PKD2: variants seen among roughly 807,000 people sequenced by gnomAD.
PKD2 encodes the protein polycystin 2, transient receptor potential cation channel.
PKD2 carries 48 observed loss-of-function variants against 105.9 expected under a neutral mutation model. The observed-to-expected ratio is 0.45, with a 90% CI of 0.36 to 0.58. The LOEUF is 0.58. PKD2 is among the 20% of genes least tolerant of loss of function. The pLI is 0.00. For missense variants in PKD2, 1,078 were observed against 1,255.3 expected (o/e 0.86, Z 2.13); for synonymous variants, 464 against 481.1 (o/e 0.96, Z 0.46).
At chr4:88,074,123 A>G (rs1457473045) in intron 13 of PKD2, among the ~76,000 whole-genome samples, 1 of 151,958 alleles carries the variant, frequency 6.6e-6, no homozygotes, top group African/African-American at 2.4e-5. Flanking sequence ...ATTTCCTACC[A>G]ATTGTTGGGT....
At chr4:88,024,973 A>G (rs1464550167) in intron 2 of PKD2, among the ~76,000 whole-genome samples, 1 of 152,066 alleles carries the variant, frequency 6.6e-6, no homozygotes, top group Non-Finnish European at 1.5e-5. Flanking sequence ...TCTCTACTAA[A>G]AATACAAAAA....
chr4:88,007,677 G>A lies in PKD2; in HGVS notation c.-57G>A, dbSNP rs1485387226. 3 of 1,087,140 alleles carry A rather than the reference G, an allele frequency of 2.8e-6. No individual in the cohort carries two copies. Among genetic ancestry groups the A allele is most frequent in the African/African-American group, 1.7e-5 (1 of 58,982 alleles). The allele number at this position is 1,087,140 out of a possible 1,614,324, so 67.3% of individuals were successfully genotyped here. ...GGGAAGAAAGGAACATGGCTCCTGA[G>A]GCGCACAGCGCCGAGCGCGGCGCCG... On this transcript the variant is annotated 5_prime_UTR_variant, in exon 1 of 15. Transcript: ENST00000237596.
At chr4:88,016,980 A>G (rs887896003) in intron 1 of PKD2, among the ~76,000 whole-genome samples, 1 of 151,698 alleles carries the variant, frequency 6.6e-6, no homozygotes, top group Admixed American at 6.6e-5. Flanking sequence ...AAAAAAAAAA[A>G]CAGAGACAGA....
chr4:88,070,621 GAGAGAGAA>G (rs1720994719), intron 13 of PKD2, among the ~76,000 whole-genome samples: 1 of 146,754 alleles, frequency 6.8e-6, no homozygotes, highest in African/African-American at 2.5e-5. Context: ...GAGAGAGAGA[GAGAGAGAA>G]AGAGAGAGAG....
intron 1 of PKD2, among the ~76,000 whole-genome samples, chr4:88,018,899 A>G (rs764280797): frequency 2.7e-4 from 41 of 152,232 alleles, no homozygotes; most frequent in Non-Finnish European, 5.1e-4. Context: ...TTAATAGGAC[A>G]GCTTCTGCTC....
intron 1 of PKD2, among the ~76,000 whole-genome samples, chr4:88,012,974 A>G (rs1011598366): frequency 6.6e-6 from 1 of 152,168 alleles, no homozygotes; most frequent in African/African-American, 2.4e-5. Flanking sequence ...TTTCATCATA[A>G]AAAGGAAGTT....
chr4:88,029,733 A>G (rs1328685467), intron 2 of PKD2, among the ~76,000 whole-genome samples: 1 of 152,254 alleles, frequency 6.6e-6, no homozygotes, highest in Non-Finnish European at 1.5e-5. Context: ...AAAGGAGATG[A>G]CTGGGGAAAA....
At chr4:88,020,472 G>A (rs2110090071) in intron 2 of PKD2, among the ~76,000 whole-genome samples, 1 of 152,132 alleles carries the variant, frequency 6.6e-6, no homozygotes, top group African/African-American at 2.4e-5. Flanking sequence ...TCTGGTAGGG[G>A]GAGGGGAGGG....
intron 1 of PKD2, among the ~76,000 whole-genome samples, chr4:88,014,008 G>T (rs186224650): frequency 5.3e-4 from 81 of 152,222 alleles, no homozygotes; most frequent in African/African-American, 1.9e-3. Context: ...TGGGTAGGCT[G>T]GTGGCTGACA....
intron 2 of PKD2, chr4:88,035,917 G>A (rs1300231342): frequency 4.9e-6 from 2 of 404,446 alleles, no homozygotes; most frequent in Admixed American, 3.5e-5. Context: ...ATGAAATCGA[G>A]TAGGCATGTT....
intron 3 of PKD2, among the ~76,000 whole-genome samples, chr4:88,036,653 A>G (rs1329295308): frequency 1.3e-5 from 2 of 152,210 alleles, no homozygotes; most frequent in Admixed American, 6.5e-5. Flanking sequence ...AATGAGGAAA[A>G]TGAGATTCAG....
chr4:88,075,799 G>A lies in PKD2; in HGVS notation c.*105G>A. 1.2e-6 allele frequency: 1 copy of A among 816,254 alleles called. No individual in the cohort carries two copies. Among genetic ancestry groups the A allele is most frequent in the Admixed American group, 1.7e-5 (1 of 58,940 alleles). The allele number at this position is 816,254 out of a possible 1,614,324, so 50.6% of individuals were successfully genotyped here. A position where few individuals can be genotyped will look rare whatever the true frequency, so the allele number is the denominator to read the frequency against. On this transcript the variant is annotated 3_prime_UTR_variant, in exon 15 of 15. Coordinates refer to ENST00000237596, the MANE Select transcript of PKD2 (RefSeq NM_000297.4). ...ATGCCCTGACCACCATAGGATGCTA[G>A]TCTTTGTGACCGATTGCTAATCTTC...
chr4:88,064,682 AG>A (rs1720719299), intron 10 of PKD2, among the ~76,000 whole-genome samples: 1 of 151,960 alleles, frequency 6.6e-6, no homozygotes, highest in South Asian at 2.1e-4. Context: ...GCTTGAGCTC[AG>A]GAGTTCAACA....
chr4:88,049,141 G>A lies in PKD2; in HGVS notation c.1548+2271G>A, dbSNP rs577264366. Reference sequence around the variant, plus strand: ...CCTTTTTGATCATACACACCTATCAGTGAAAGCTTTGACTACTACACACCC... The same window carrying A: ...CCTTTTTGATCATACACACCTATCAATGAAAGCTTTGACTACTACACACCC... On this transcript the variant is annotated intron_variant, in intron 6 of 14. Transcript: ENST00000237596. Among the ~76,000 whole-genome samples the A allele has an allele frequency of 3.9e-5, 6 of 152,322 alleles. 1 individual carries two copies. The South Asian group carries it at 1.2e-3, about 32-fold the overall frequency.
chr4:88,049,473 A>G (rs1242560254), intron 6 of PKD2, among the ~76,000 whole-genome samples: 2 of 150,784 alleles, frequency 1.3e-5, no homozygotes, highest in South Asian at 2.1e-4. Context: ...GTGTTTTTCA[A>G]TTTTTTTTTT....
At chr4:88,053,668 A>G (rs934503906) in intron 7 of PKD2, among the ~76,000 whole-genome samples, 3 of 152,076 alleles carry the variant, frequency 2.0e-5, no homozygotes, top group Non-Finnish European at 1.5e-5. Flanking sequence ...AAAAAAAAAA[A>G]AAAATGCATA....
chr4:88,011,771 T>G (rs1726387760), intron 1 of PKD2, among the ~76,000 whole-genome samples: 1 of 152,068 alleles, frequency 6.6e-6, no homozygotes, highest in Non-Finnish European at 1.5e-5. Flanking sequence ...AACTCACCGC[T>G]CTTAGTTGCT....
At chr4:88,023,746 C>T (rs1392238807) in intron 2 of PKD2, among the ~76,000 whole-genome samples, 1 of 152,176 alleles carries the variant, frequency 6.6e-6, no homozygotes, top group Non-Finnish European at 1.5e-5. Flanking sequence ...AGGATGCTGT[C>T]TGTCATACAG....
At chr4:88,068,141 C>A in intron 13 of PKD2, 80 bp downstream of exon 13, 1 of 1,101,242 alleles carries the variant, frequency 9.1e-7, no homozygotes, top group Non-Finnish European at 1.4e-6. Flanking sequence ...TCTCTGAATT[C>A]ACTCCTTTCC....
Sources: allele counts gnomAD v4.1 joint callset (sites outside exome capture counted in the v4.1 genomes callset), GRCh38; gene constraint gnomAD v4.1.1; transcripts MANE v1.5; gene names NCBI Gene and HGNC (gene_info 2026-07-23, HGNC 2026-07-21).